PIEZO1: variants seen among roughly 807,000 people sequenced by gnomAD.
PIEZO1 encodes the protein piezo-type mechanosensitive ion channel component 1.
PIEZO1 carries 296 observed loss-of-function variants against 297.2 expected under a neutral mutation model. The ratio of observed to expected loss-of-function variants is 1.00; its 90% CI spans 0.91 to 1.10. The LOEUF is 1.10. Among genes scored for constraint, PIEZO1 ranks in the 50% least tolerant of loss-of-function variants. The pLI is 0.00. For missense variants in PIEZO1, 5,018 were observed against 3,455.5 expected (o/e 1.45, Z -11.34); for synonymous variants, 2,427 against 1,507.5 (o/e 1.61, Z -14.13).
chr16:88,783,885 C>T (rs1392932351), intron 1 of PIEZO1, among the ~76,000 whole-genome samples: 1 of 152,232 alleles, frequency 6.6e-6, no homozygotes. Context: ...CCACCTGGAG[C>T]GAGGCAAGGG....
intron 1 of PIEZO1, among the ~76,000 whole-genome samples, chr16:88,784,072 C>T (rs573332435): frequency 6.6e-6 from 1 of 152,318 alleles, no homozygotes; most frequent in Non-Finnish European, 1.5e-5. Context: ...AGGCCAGGGT[C>T]GGGGAAGGGT....
At chr16:88,748,814 T>C (rs1906206640) in intron 2 of PIEZO1, among the ~76,000 whole-genome samples, 1 of 151,500 alleles carries the variant, frequency 6.6e-6, no homozygotes, top group Non-Finnish European at 1.5e-5. Flanking sequence ...ACACCTGTAA[T>C]TGCAGCTACT....
intron 1 of PIEZO1, among the ~76,000 whole-genome samples, chr16:88,772,919 G>A (rs1259926092): frequency 1.3e-5 from 2 of 152,326 alleles, no homozygotes; most frequent in East Asian, 3.9e-4. Flanking sequence ...CCATGGCAGG[G>A]CCAGCCTCCC....
chr16:88,779,477 G>C (rs77870776), intron 1 of PIEZO1, among the ~76,000 whole-genome samples: 1 of 152,196 alleles, frequency 6.6e-6, no homozygotes, highest in Non-Finnish European at 1.5e-5. Flanking sequence ...CTCCTTTCCT[G>C]GCTAGCTTGG....
At position 88,716,045 on chromosome 16, in the gene PIEZO1, C is replaced by T. The variant is rs773860217; in HGVS notation, c.7204G>A (p.Glu2402Lys). The T allele has an allele frequency of 7.1e-6, 11 of 1,550,220 alleles. No homozygotes were observed. The highest frequency in any genetic ancestry group is 4.8e-5 in the South Asian group (4 of 84,064). Residue 2402 changes from glutamate to lysine, a missense_variant, in exon 50 of 51, where the codon GAA (glutamate) becomes AAA (lysine). Transcript: ENST00000301015. ...TCCTGCAGCTCGATGACCCACCATT[C>T]GAGGAAGCCGGTGGCCCCCGCACCC... ...EQGAGATGFL[E>K]WWVIELQECR... is the part of the protein sequence containing the mutation.
intron 11 of PIEZO1, 103 bp from the exon 12 acceptor site, chr16:88,736,511 A>C (rs1905228790): frequency 1.7e-6 from 1 of 588,066 alleles, no homozygotes; most frequent in Admixed American, 3.0e-5. Context: ...AGCGCACCCC[A>C]CCCAGGCGAT....
At chr16:88,757,916 G>T (rs1906752851) in intron 1 of PIEZO1, among the ~76,000 whole-genome samples, 1 of 152,184 alleles carries the variant, frequency 6.6e-6, no homozygotes, top group South Asian at 2.1e-4. Context: ...AGTTATCACA[G>T]ATTTCACAGA....
rs2340979 is a variant in PIEZO1, at chr16:88,726,655, C to A, written c.3700-12G>T. 1.8e-3 allele frequency: 2,601 copies of A among 1,432,756 alleles called. 50 individuals are homozygous for A. In the African/African-American group the frequency reaches 0.032, roughly 18 times the overall value. The allele number at this position is 1,432,756 out of a possible 1,614,324, so 88.8% of individuals were successfully genotyped here. ...ACGCAGGCCAGGAGCTGGGGGAGAG[C>A]AGGGTCAGCGGGGCCAGCGGGGCCC... On this transcript the variant is annotated splice_polypyrimidine_tract_variant and intron_variant, in intron 25 of 50. Transcript: ENST00000301015.
chr16:88,743,766 C>A, intron 2 of PIEZO1: 1 of 405,848 alleles, frequency 2.5e-6, no homozygotes. Context: ...CACCACCAGG[C>A]AGCCGAGGCA....
intron 2 of PIEZO1, chr16:88,745,767 A>AT: frequency 6.9e-6 from 1 of 144,014 alleles, no homozygotes; most frequent in South Asian, 2.4e-4. Context: ...AAAAAAAAAA[A>AT]GGGGCCGGGG....
Position 88,717,030 on chromosome 16 carries a change from C to G in PIEZO1, c.6653G>C (p.Gly2218Ala). The G allele has an allele frequency of 1.9e-6, 3 of 1,550,542 alleles. No homozygotes were observed. Among genetic ancestry groups the G allele is most frequent in the Non-Finnish European group, 2.6e-6 (3 of 1,146,942 alleles). ...IDVTVTLKLG[G>A]YEPLFTMSAQ... ...GGACCCACACATGCTCACCTCATAG[C>G]CGCCCAGCTTCAGGGTGACGGTGAC... Residue 2218 changes from glycine to alanine, a missense_variant, in exon 45 of 51, where the codon GGC (glycine) becomes GCC (alanine). Physicochemically the swap from Gly to Ala is moderately conservative, Grantham distance 60. Transcript: ENST00000301015.
Position 88,715,365 on chromosome 16 carries a change from CATTTTTT to C in PIEZO1, c.*233_*239del. On this transcript the variant is annotated 3_prime_UTR_variant, in exon 51 of 51. Coordinates refer to ENST00000301015, the MANE Select transcript of PIEZO1 (RefSeq NM_001142864.4). ...TGATTGTCCATTTGTATAAATAAAA[CATTTTTT>C]AATTAAAAAAAAAACTCTACAGTAC... 2 of 1,206,424 alleles carry C rather than the reference CATTTTTT, an allele frequency of 1.7e-6. No individual in the cohort carries two copies. Among genetic ancestry groups the C allele is most frequent in the Non-Finnish European group, 2.3e-6 (2 of 876,576 alleles). The allele number at this position is 1,206,424 out of a possible 1,614,324, so 74.7% of individuals were successfully genotyped here. A position where few individuals can be genotyped will look rare whatever the true frequency, so the allele number is the denominator to read the frequency against.
At position 88,716,015 on chromosome 16, in the gene PIEZO1, G is replaced by A. The variant is rs577922766; in HGVS notation, c.7234C>T (p.Arg2412Trp). ...EWWVIELQEC[R>W]TDCNLLPMVI... ...ATGGGCAGCAGGTTGCAGTCGGTCC[G>A]GCACTCCTGCAGCTCGATGACCCAC... Residue 2412 changes from arginine to tryptophan, a missense_variant, in exon 50 of 51, where the codon CGG becomes TGG. By Grantham distance (101) the Arg-to-Trp change is moderately radical (BLOSUM62 -3). Coordinates refer to ENST00000301015, the MANE Select transcript of PIEZO1 (RefSeq NM_001142864.4). 4.4e-5 allele frequency: 68 copies of A among 1,550,084 alleles called. No individual in the cohort carries two copies. The highest frequency in any genetic ancestry group is 9.8e-5 in the Admixed American group (5 of 50,980).
chr16:88,731,768 AG>A lies in PIEZO1; in HGVS notation c.3133del (p.Leu1045TrpfsTer33), dbSNP rs1309877432. The A allele has an allele frequency of 2.6e-6, 4 of 1,549,750 alleles. No homozygotes were observed. Among genetic ancestry groups the A allele is most frequent in the Non-Finnish European group, 3.5e-6 (4 of 1,146,808 alleles). On this transcript the variant is annotated frameshift_variant, in exon 22 of 51. Transcript: ENST00000301015. LOFTEE classifies it high-confidence loss of function. The part of the protein sequence containing the change: ...ARLWPNYCLF[L>X]ALFLLYQYLL... Reference sequence around the variant, plus strand: ...GTACTGGTACAGCAGGAACAGCGCCAGGAAGAGGCAGTAGTTGGGCCAGAGG... The same window carrying A: ...GTACTGGTACAGCAGGAACAGCGCCAGAAGAGGCAGTAGTTGGGCCAGAGG...
chr16:88,716,812 G>A lies in PIEZO1; in HGVS notation c.6747C>T (p.Pro2249=), dbSNP rs1912074225. 1 of 1,550,054 alleles carries A rather than the reference G, an allele frequency of 6.5e-7. No individual in the cohort carries two copies. Among genetic ancestry groups the A allele is most frequent in the Non-Finnish European group, 8.7e-7 (1 of 1,146,938 alleles). The part of the protein sequence containing the change: ...AYEELSRQFD[P]QPLAMQFISQ... ...CAGGGCAGAGGCCACTTACCGGCTG[G>A]GGGTCAAACTGCCGGGACAGCTCCT... Residue 2249 remains proline, a synonymous_variant, in exon 46 of 51, where the codon CCC becomes CCT. Transcript: ENST00000301015.
intron 1 of PIEZO1, among the ~76,000 whole-genome samples, chr16:88,783,620 G>A (rs764649075): frequency 1.3e-5 from 2 of 152,178 alleles, no homozygotes; most frequent in Non-Finnish European, 2.9e-5. Context: ...AAGGAACACA[G>A]CCGGGCCCTG....
At chr16:88,720,005 CG>C in intron 42 of PIEZO1, 45 bp from the exon 43 acceptor site, 1 of 1,549,222 alleles carries the variant, frequency 6.5e-7, no homozygotes, top group Non-Finnish European at 8.7e-7. Context: ...GAAACAGCCC[CG>C]CAGGGCCCCC....
chr16:88,742,164 G>T, intron 3 of PIEZO1, 69 bp from the exon 4 acceptor site: 1 of 1,525,496 alleles, frequency 6.6e-7, no homozygotes, highest in Non-Finnish European at 8.8e-7. Flanking sequence ...GTCATCCCTG[G>T]AGCGTTTCAC....
intron 18 of PIEZO1, 47 bp from the exon 19 acceptor site, chr16:88,733,501 C>T (rs1233708403): frequency 3.3e-6 from 5 of 1,531,868 alleles, no homozygotes; most frequent in South Asian, 2.4e-5. Flanking sequence ...GGGCAGTGGG[C>T]ACGTGGGGCT....
Sources: allele counts gnomAD v4.1 joint callset (sites outside exome capture counted in the v4.1 genomes callset), GRCh38; gene constraint gnomAD v4.1.1; transcripts MANE v1.5; gene names NCBI Gene and HGNC (gene_info 2026-07-23, HGNC 2026-07-21).